LRRC4C: variants seen among roughly 807,000 people sequenced by gnomAD.
The protein encoded by LRRC4C is leucine-rich repeat-containing protein 4C.
LRRC4C carries 5 observed loss-of-function variants against 33.6 expected under a neutral mutation model. The ratio of observed to expected loss-of-function variants is 0.15; its 90% CI spans 0.08 to 0.31. LRRC4C has a LOEUF of 0.31. LRRC4C is among the 10% of genes least tolerant of loss of function. The probability of loss-of-function intolerance (pLI) is 1.00; values close to 1 mark genes in which losing one functional copy is unlikely to be tolerated. For missense variants in LRRC4C, 560 were observed against 796.7 expected, an observed-to-expected ratio of 0.70 and a Z score of 3.58; for synonymous variants, 329 against 302.0, an observed-to-expected ratio of 1.09 and a Z score of -0.93.
intron 1 of LRRC4C, among the ~76,000 whole-genome samples, chr11:41,225,338 G>T (rs1354451530): frequency 6.6e-6 from 1 of 152,066 alleles, no homozygotes; most frequent in African/African-American, 2.4e-5. Flanking sequence ...TCCTTGAGAA[G>T]GTGGATACCC....
At chr11:40,326,429 G>A (rs1946106815) in intron 3 of LRRC4C, among the ~76,000 whole-genome samples, 1 of 152,056 alleles carries the variant, frequency 6.6e-6, no homozygotes, top group Admixed American at 6.5e-5. Flanking sequence ...GGGCATGGTG[G>A]CAGGTGCCTG....
At chr11:41,296,021 T>C (rs1950131790) in intron 1 of LRRC4C, among the ~76,000 whole-genome samples, 1 of 152,218 alleles carries the variant, frequency 6.6e-6, no homozygotes, top group African/African-American at 2.4e-5. Flanking sequence ...CCCATGTTCC[T>C]GTAAGATTAT....
At chr11:40,995,639 G>A (rs761083496) in intron 1 of LRRC4C, among the ~76,000 whole-genome samples, 1 of 151,892 alleles carries the variant, frequency 6.6e-6, no homozygotes, top group Non-Finnish European at 1.5e-5. Flanking sequence ...TTTCTTATAT[G>A]TTCTTATATG....
rs59934043 is a variant in LRRC4C, at chr11:41,075,026, T to TC, written c.-495-141304_-495-141303insG. On this transcript the variant is annotated intron_variant, in intron 1 of 6. Coordinates refer to ENST00000528697, the MANE Select transcript of LRRC4C (RefSeq NM_001258419.2). ...AACCTTCAATTTTCTTTTTTTTTTT[T>TC]TTTTTTTTTTATTTTTAATGTTTTT... is the stretch of plus-strand genomic sequence containing the variant. Among the ~76,000 whole-genome samples the TC allele has an allele frequency of 2.1e-3, 195 of 93,790 alleles. 1 individual carries two copies. The highest frequency in any genetic ancestry group is 0.019 in the East Asian group (63 of 3,234). The allele number at this position is 93,790 out of a possible 152,430, so 61.5% of individuals were successfully genotyped here.
At chr11:40,273,881 A>C (rs1489121842) in intron 4 of LRRC4C, among the ~76,000 whole-genome samples, 1 of 152,136 alleles carries the variant, frequency 6.6e-6, no homozygotes, top group Non-Finnish European at 1.5e-5. Flanking sequence ...GGATGCTGTT[A>C]TGGCTACCTA....
chr11:40,405,418 C>T (rs995129703), intron 3 of LRRC4C, among the ~76,000 whole-genome samples: 6 of 151,736 alleles, frequency 4.0e-5, no homozygotes, highest in Non-Finnish European at 1.5e-5. Flanking sequence ...GGTGGATCAC[C>T]TGAGGTAAGG....
chr11:41,035,192 T>TATAA (rs1358381680), intron 1 of LRRC4C, among the ~76,000 whole-genome samples: 22 of 150,588 alleles, frequency 1.5e-4, no homozygotes, highest in African/African-American at 4.6e-4. Context: ...TCCATCTCAA[T>TATAA]ATAAATAAAT....
At chr11:41,135,132 G>T (rs1477198547) in intron 1 of LRRC4C, among the ~76,000 whole-genome samples, 1 of 152,126 alleles carries the variant, frequency 6.6e-6, no homozygotes, top group Non-Finnish European at 1.5e-5. Context: ...GGCCATAAGG[G>T]TTGTGAGCAT....
chr11:40,635,786 G>C (rs1480113732), intron 3 of LRRC4C, among the ~76,000 whole-genome samples: 1 of 151,580 alleles, frequency 6.6e-6, no homozygotes, highest in African/African-American at 2.4e-5. Context: ...ACAGGCGCCC[G>C]CCACCATGCC....
chr11:41,411,141 T>A (rs35441370), intron 1 of LRRC4C, among the ~76,000 whole-genome samples: 14 of 78,534 alleles, frequency 1.8e-4, no homozygotes, highest in African/African-American at 6.2e-4. Context: ...GTTGGTACCC[T>A]ATTTTTTTTT....
chr11:41,188,959 A>T (rs974087499), intron 1 of LRRC4C, among the ~76,000 whole-genome samples: 5 of 144,092 alleles, frequency 3.5e-5, no homozygotes, highest in Non-Finnish European at 7.6e-5. Context: ...CTAATAAATG[A>T]TTCTTATTAA....
intron 1 of LRRC4C, among the ~76,000 whole-genome samples, chr11:40,978,205 T>C (rs1279069331): frequency 2.0e-5 from 3 of 152,206 alleles, no homozygotes; most frequent in Admixed American, 2.0e-4. Context: ...GGCTCACATT[T>C]GTAATCAGAG....
intron 1 of LRRC4C, among the ~76,000 whole-genome samples, chr11:41,321,865 T>C (rs1314941226): frequency 6.6e-6 from 1 of 152,026 alleles, no homozygotes; most frequent in East Asian, 1.9e-4. Context: ...TATATTAAAC[T>C]GTTTCTTTTT....
chr11:40,124,111 A>G (rs1271181716), intron 6 of LRRC4C, among the ~76,000 whole-genome samples: 1 of 152,176 alleles, frequency 6.6e-6, no homozygotes, highest in East Asian at 1.9e-4. Context: ...TTAAATAGAC[A>G]TTGTAATGAG....
At chr11:41,204,702 A>AT (rs1049008315) in intron 1 of LRRC4C, among the ~76,000 whole-genome samples, 12 of 152,080 alleles carry the variant, frequency 7.9e-5, no homozygotes, top group Admixed American at 3.9e-4. Context: ...ATATGTTATC[A>AT]TTTTTTTCCT....
intron 3 of LRRC4C, among the ~76,000 whole-genome samples, chr11:40,393,717 G>A (rs1392449635): frequency 6.6e-6 from 1 of 152,144 alleles, no homozygotes; most frequent in Non-Finnish European, 1.5e-5. Flanking sequence ...ACAGCAGGAT[G>A]CAATGGTCCT....
At position 41,011,190 on chromosome 11, in the gene LRRC4C, C is replaced by T. The variant is rs189862967; in HGVS notation, c.-495-77467G>A. ...ATACAACAAATTTTTATTAATGTTG[C>T]TGTTGTTTTCATGATCATCACCATC... On this transcript the variant is annotated intron_variant, in intron 1 of 6. Transcript: ENST00000528697. Among the ~76,000 whole-genome samples, 10 of 152,130 alleles carry T rather than the reference C, an allele frequency of 6.6e-5. No homozygotes were observed. The East Asian group carries it at 1.2e-3, about 18-fold the overall frequency.
intron 1 of LRRC4C, among the ~76,000 whole-genome samples, chr11:41,178,656 C>T (rs1397330452): frequency 1.3e-5 from 2 of 152,086 alleles, no homozygotes; most frequent in Non-Finnish European, 2.9e-5. Context: ...GTTGCCTAGC[C>T]CCAGACTTTC....
intron 2 of LRRC4C, among the ~76,000 whole-genome samples, chr11:40,876,629 G>T (rs890890993): frequency 6.6e-6 from 1 of 152,026 alleles, no homozygotes; most frequent in Non-Finnish European, 1.5e-5. Context: ...CTCAGGCTGG[G>T]CATGCTGGCT....
Sources: gnomAD v4.1 joint callset for allele counts (sites outside exome capture counted in the v4.1 genomes callset) on GRCh38, gnomAD v4.1.1 for gene constraint, MANE v1.5 for transcripts, NCBI Gene and HGNC (gene_info 2026-07-23, HGNC 2026-07-21) for gene names.